The following TNS4 variants were observed in gnomAD, a reference collection of about 807,000 sequenced individuals.
TNS4 encodes the protein tensin 4.
TNS4 carries 46 observed loss-of-function variants against 70.4 expected under a neutral mutation model. The ratio of observed to expected loss-of-function variants is 0.65; its 90% CI spans 0.52 to 0.84. The LOEUF is 0.84. Among genes scored for constraint, TNS4 ranks in the 40% least tolerant of loss-of-function variants. The probability of loss-of-function intolerance (pLI) is 0.00; values close to 1 mark genes in which losing one functional copy is unlikely to be tolerated. For missense variants in TNS4, 863 were observed against 907.0 expected, an observed-to-expected ratio of 0.95 and a Z score of 0.62; for synonymous variants, 390 against 366.6, an observed-to-expected ratio of 1.06 and a Z score of -0.73.
At position 40,476,149 on chromosome 17, in the gene TNS4, C is replaced by G. The variant is rs1397042223; in HGVS notation, c.*1439G>C. On this transcript the variant is annotated 3_prime_UTR_variant, in exon 13 of 13. Coordinates refer to ENST00000254051, the MANE Select transcript of TNS4 (RefSeq NM_032865.6). ...GAGCAAGAGTGGGTTTCTTCCCTGA[C>G]CCTCCCTTCCACCCCGGTAGGGTGG... 6.6e-6 allele frequency: 1 copy of G among 151,666 alleles called. No homozygotes were observed. Among genetic ancestry groups the G allele is most frequent in the Non-Finnish European group, 1.5e-5 (1 of 67,914 alleles). 9.4% of individuals were successfully genotyped at this position (151,666 alleles called of 1,614,324 possible).
rs1188552350 is a variant in TNS4, at chr17:40,498,103, C to G, written c.-95-1583G>C. The stretch of plus-strand genomic sequence containing the variant: ...GAGCTTTGCTGCTGGTCCCCAGCCC[C>G]CACCAACACCCCCCAACTCTCTTTC... On this transcript the variant is annotated intron_variant, in intron 1 of 12. Transcript: ENST00000254051. Among the ~76,000 whole-genome samples, 6 of 152,150 alleles carry G rather than the reference C, an allele frequency of 3.9e-5. No homozygotes were observed. The East Asian group carries it at 1.2e-3, about 29-fold the overall frequency.
chr17:40,485,737 CA>C, intron 4 of TNS4, among the ~76,000 whole-genome samples: 1 of 152,218 alleles, frequency 6.6e-6, no homozygotes, highest in African/African-American at 2.4e-5. Context: ...TTTGGGATGC[CA>C]AAATGGCCAT....
chr17:40,499,708 G>A (rs1488601374), intron 1 of TNS4, among the ~76,000 whole-genome samples: 1 of 152,214 alleles, frequency 6.6e-6, no homozygotes, highest in East Asian at 1.9e-4. Flanking sequence ...CTGCGCTCCC[G>A]CCCTCCCGGG....
rs1187080977 is a variant in TNS4, at chr17:40,484,599, C to T, written c.1386G>A (p.Leu462=). The change falls in exon 6 of 13, where the codon CTG becomes CTA. Residue 462 remains leucine (L), a synonymous_variant. Coordinates refer to ENST00000254051, the MANE Select transcript of TNS4 (RefSeq NM_032865.6). ...PNITREQAIE[L]LRKEEPGAFV... ...AAGCCCCTGGCTCCTCCTTCCTCAG[C>T]AGCTCGATTGCTGGAACAATCCTTG... The T allele has an allele frequency of 6.2e-7, 1 of 1,612,384 alleles. No individual in the cohort carries two copies. Among genetic ancestry groups the T allele is most frequent in the Non-Finnish European group, 8.5e-7 (1 of 1,180,024 alleles).
In TNS4 at chr17:40,482,460, G is replaced by C. The variant is rs766329917; in HGVS notation, c.1502-44C>G. The C allele has an allele frequency of 5.6e-6, 9 of 1,599,960 alleles. No individual in the cohort carries two copies. The East Asian group carries it at 2.0e-4, about 36-fold the overall frequency. On this transcript the variant is annotated intron_variant, in intron 6 of 12. Coordinates refer to ENST00000254051, the MANE Select transcript of TNS4 (RefSeq NM_032865.6). Reference sequence around the variant, plus strand: ...GTGCATTCGGATAGAATTCCACCTTGTGGCCGGGCGCGGTGGCTCACGCCT... The same window carrying C: ...GTGCATTCGGATAGAATTCCACCTTCTGGCCGGGCGCGGTGGCTCACGCCT...
intron 2 of TNS4, among the ~76,000 whole-genome samples, chr17:40,492,913 G>A (rs1170198313): frequency 6.6e-6 from 1 of 152,096 alleles, no homozygotes; most frequent in Non-Finnish European, 1.5e-5. Context: ...TGGGCATAGT[G>A]GTGGGCACCT....
chr17:40,492,392 A>C (rs906073873), intron 2 of TNS4, among the ~76,000 whole-genome samples: 2 of 150,838 alleles, frequency 1.3e-5, no homozygotes, highest in African/African-American at 4.9e-5. Context: ...TTTTTGAGAC[A>C]GGGTCTCACT....
rs749633721 is a variant in TNS4 at position 40,488,962 on chromosome 17, C to G, written c.447G>C (p.Lys149Asn). The G allele has an allele frequency of 3.2e-6, 5 of 1,570,416 alleles. No homozygotes were observed. Among genetic ancestry groups the G allele is most frequent in the Non-Finnish European group, 4.3e-6 (5 of 1,161,250 alleles). The change falls in exon 3 of 13, where the codon AAG (lysine) becomes AAC (asparagine). Residue 149 changes from lysine (K) to asparagine (N), a missense_variant. Transcript: ENST00000254051. ...KKEESEALDIKYIEVTSARSR... is the reference protein window; with the variant it reads ...KKEESEALDINYIEVTSARSR... ...ATCTGGCGGAGGTCACCTCGATGTA[C>G]TTTATGTCTTTGGGGGAGAAAAGCA...
intron 9 of TNS4, 197 bp from the exon 10 acceptor site, chr17:40,480,039 G>A: frequency 1.6e-6 from 1 of 644,446 alleles, no homozygotes; most frequent in South Asian, 2.0e-5. Flanking sequence ...ATCTTCTGTG[G>A]CTTTGCATCG....
In TNS4 at chr17:40,476,644, T is replaced by A. The variant is rs2035852876; in HGVS notation, c.*944A>T. On this transcript the variant is annotated 3_prime_UTR_variant, in exon 13 of 13. Transcript: ENST00000254051. ...CTTTGGGAGGCCGAAGCAGGTGGAT[T>A]ACCTGCGGTCAGGAGTTCAAGACCA... 6.6e-6 allele frequency: 1 copy of A among 152,150 alleles called. No individual in the cohort carries two copies. The highest frequency in any genetic ancestry group is 1.5e-5 in the Non-Finnish European group (1 of 68,084). 9.4% of individuals were successfully genotyped at this position (152,150 alleles called of 1,614,324 possible).
chr17:40,487,489 T>C (rs537164702), intron 3 of TNS4, 29 bp from the exon 4 acceptor site: 2 of 1,575,860 alleles, frequency 1.3e-6, no homozygotes, highest in African/African-American at 1.3e-5. Context: ...AGACAGGGTG[T>C]TAGGGCAACA....
At chr17:40,496,569 C>T (rs2036148616) in intron 1 of TNS4, 49 bp from the exon 2 acceptor site, 1 of 808,802 alleles carries the variant, frequency 1.2e-6, no homozygotes, top group Non-Finnish European at 1.9e-6. Context: ...AGGTGAAGCC[C>T]CTGCCTCCCA....
At chr17:40,478,070 T>G in intron 12 of TNS4, 1 of 620,282 alleles carries the variant, frequency 1.6e-6, no homozygotes, top group Admixed American at 3.0e-5. Context: ...TGAGGCTCCC[T>G]GAAGTTAGAG....
intron 6 of TNS4, 128 bp from the exon 7 acceptor site, chr17:40,482,544 G>C: frequency 1.4e-6 from 1 of 714,910 alleles, no homozygotes; most frequent in Admixed American, 2.2e-5. Flanking sequence ...AGGAGTTCGA[G>C]ATCAGCCTGA....
rs2035877637 is a variant in TNS4, at chr17:40,478,411, C to A, written c.1980-78G>T. The A allele has an allele frequency of 4.4e-6, 7 of 1,573,144 alleles. No homozygotes were observed. In the South Asian group the frequency reaches 8.1e-5, roughly 18 times the overall value. ...GACCCTGGAGGAGCAGCAGGACTGG[C>A]CAGCTGCGTCCCCACCCCACCATGC... is the stretch of plus-strand genomic sequence containing the variant. On this transcript the variant is annotated intron_variant, in intron 11 of 12. Coordinates refer to ENST00000254051, the MANE Select transcript of TNS4 (RefSeq NM_032865.6).
At chr17:40,485,061 G>A in intron 4 of TNS4, 54 bp from the exon 5 acceptor site, 1 of 1,514,728 alleles carries the variant, frequency 6.6e-7, no homozygotes, top group Non-Finnish European at 9.2e-7. Flanking sequence ...GGGAGCTGAG[G>A]GATGTTCACC....
intron 1 of TNS4, among the ~76,000 whole-genome samples, chr17:40,497,659 G>T (rs2036162980): frequency 1.3e-5 from 2 of 152,098 alleles, no homozygotes; most frequent in Admixed American, 6.6e-5. Flanking sequence ...TTGTGCAAAA[G>T]TCTGGCCAGC....
chr17:40,486,909 A>G (rs2035995935), intron 4 of TNS4, 127 bp downstream of exon 4: 1 of 1,236,964 alleles, frequency 8.1e-7, no homozygotes, highest in African/African-American at 1.5e-5. Context: ...TGTCCTCACT[A>G]CCTGGCATAG....
chr17:40,500,498 G>T (rs1356090973), intron 1 of TNS4, among the ~76,000 whole-genome samples: 1 of 152,154 alleles, frequency 6.6e-6, no homozygotes, highest in Non-Finnish European at 1.5e-5. Context: ...GGCAAGGAGG[G>T]CTCCAGCCAC....
Sources: gnomAD v4.1 joint callset for allele counts (sites outside exome capture counted in the v4.1 genomes callset) on GRCh38, gnomAD v4.1.1 for gene constraint, MANE v1.5 for transcripts, NCBI Gene and HGNC (gene_info 2026-07-23, HGNC 2026-07-21) for gene names.